KIZ: variants seen among roughly 807,000 people sequenced by gnomAD.
KIZ encodes centrosomal protein kizuna.
Under a neutral mutation model 79.6 loss-of-function variants are expected in KIZ, and 68 were observed. The ratio of observed to expected loss-of-function variants is 0.85; its 90% CI spans 0.70 to 1.05. The LOEUF (loss-of-function observed/expected upper bound fraction) is 1.05, where lower values mean the gene tolerates loss of function less well. KIZ is among the 50% of genes least tolerant of loss of function. The pLI is 0.00. For missense variants in KIZ, 797 were observed against 800.4 expected (o/e 1.00, Z 0.05); for synonymous variants, 280 against 281.8 (o/e 0.99, Z 0.06).
chr20:21,134,039 T>TGAGGCAGAGGCA (rs896328030), intron 2 of KIZ, among the ~76,000 whole-genome samples: 1 of 152,178 alleles, frequency 6.6e-6, no homozygotes. Flanking sequence ...CAAGTGCAGC[T>TGAGGCAGAGGCA]GAGGCAGAGG....
rs1173496481 is a variant in KIZ, at chr20:21,162,438, G to A, written c.973G>A (p.Val325Ile). ...CAGCCCGCCAGTCTCTCCGATACCA[G>A]TTTCAGAATACTGTGAATCTGAAAA... ...RASPPVSPIP[V>I]SEYCESENKW... The change falls in exon 5 of 13, where the codon GTT (valine) becomes ATT (isoleucine). Residue 325 changes from valine (V) to isoleucine (I), a missense_variant. By Grantham distance (29) the Val-to-Ile change is conservative. Transcript: ENST00000619189. 5 of 1,613,162 alleles carry A rather than the reference G, an allele frequency of 3.1e-6. No homozygotes were observed. In the South Asian group the frequency reaches 4.4e-5, roughly 14 times the overall value.
rs2031453320 is a variant in KIZ, at chr20:21,126,224, G to T, written c.89+20G>T. On this transcript the variant is annotated intron_variant, in intron 1 of 12. Coordinates refer to ENST00000619189, the MANE Select transcript of KIZ (RefSeq NM_018474.6). ...GGACAGGTAAGGGCACTGGGGCGGG[G>T]GTGGGGAGTCGGCCCGCGCCGGGGG... is the stretch of plus-strand genomic sequence containing the variant. 4 of 1,391,930 alleles carry T rather than the reference G, an allele frequency of 2.9e-6. No individual in the cohort carries two copies. The highest frequency in any genetic ancestry group is 3.8e-6 in the Non-Finnish European group (4 of 1,060,826). 86.2% of individuals were successfully genotyped at this position (1,391,930 alleles called of 1,614,324 possible).
intron 6 of KIZ, among the ~76,000 whole-genome samples, chr20:21,175,392 G>T (rs968765198): frequency 1.3e-5 from 2 of 152,172 alleles, no homozygotes; most frequent in Admixed American, 1.3e-4. Context: ...ATTGTCACTT[G>T]GTGTATAGGA....
At chr20:21,212,339 T>TA (rs1340280904) in intron 7 of KIZ, among the ~76,000 whole-genome samples, 3 of 152,240 alleles carry the variant, frequency 2.0e-5, no homozygotes, top group Admixed American at 2.0e-4. Flanking sequence ...TGGTTCAACT[T>TA]ACAATTTTTT....
intron 2 of KIZ, among the ~76,000 whole-genome samples, chr20:21,134,306 T>C (rs554897301): frequency 6.6e-6 from 1 of 152,300 alleles, no homozygotes; most frequent in East Asian, 1.9e-4. Context: ...CGGGATGTTT[T>C]GTAATGTGGT....
chr20:21,175,597 T>C (rs533112618), intron 6 of KIZ, among the ~76,000 whole-genome samples: 47 of 152,212 alleles, frequency 3.1e-4, no homozygotes, highest in African/African-American at 1.1e-3. Context: ...TGAAACCTAA[T>C]CCAAGTACCA....
intron 6 of KIZ, chr20:21,194,483 G>A (rs1216054047): frequency 6.6e-6 from 1 of 152,174 alleles, no homozygotes; most frequent in Non-Finnish European, 1.5e-5. Context: ...GAGTTCTTTT[G>A]AGCAAAAGAA....
At chr20:21,169,820 TAAC>T (rs1170185254) in intron 6 of KIZ, among the ~76,000 whole-genome samples, 1 of 152,230 alleles carries the variant, frequency 6.6e-6, no homozygotes, top group African/African-American at 2.4e-5. Flanking sequence ...GGGAATTACA[TAAC>T]AAGTAGTATT....
chr20:21,141,821 A>ACACT (rs58621089), intron 3 of KIZ, among the ~76,000 whole-genome samples: 1 of 111,092 alleles, frequency 9.0e-6, no homozygotes, highest in Non-Finnish European at 1.9e-5. Flanking sequence ...ACACACACAC[A>ACACT]CACTCTCTCT....
chr20:21,145,183 G>A (rs964291635), intron 3 of KIZ, among the ~76,000 whole-genome samples: 3 of 151,266 alleles, frequency 2.0e-5, no homozygotes, highest in Non-Finnish European at 2.9e-5. Context: ...TTTGTTTGGG[G>A]CAAAACTTCT....
intron 6 of KIZ, among the ~76,000 whole-genome samples, chr20:21,170,916 C>T (rs1317965208): frequency 1.3e-5 from 2 of 152,178 alleles, no homozygotes; most frequent in Non-Finnish European, 2.9e-5. Flanking sequence ...AACGTAATGA[C>T]CTCCAGTTCC....
At chr20:21,132,823 C>T (rs2031937687) in intron 2 of KIZ, 1 of 152,144 alleles carries the variant, frequency 6.6e-6, no homozygotes, top group Non-Finnish European at 1.5e-5. Context: ...ATGATTAAGA[C>T]ATAATTACTG....
At chr20:21,175,723 T>C (rs2034404571) in intron 6 of KIZ, among the ~76,000 whole-genome samples, 2 of 152,196 alleles carry the variant, frequency 1.3e-5, no homozygotes, top group Admixed American at 6.5e-5. Flanking sequence ...GTTAAGTCTC[T>C]AGGAGGCCAG....
intron 11 of KIZ, 75 bp downstream of exon 11, chr20:21,232,905 C>T: frequency 1.4e-6 from 1 of 731,504 alleles, no homozygotes; most frequent in African/African-American, 1.7e-5. Context: ...TAAACTCTGG[C>T]TGCGTATTAT....
rs1462556525 is a variant in KIZ, at chr20:21,167,305, C to G, written c.1352+4146C>G. On this transcript the variant is annotated intron_variant, in intron 6 of 12. Transcript: ENST00000619189. ...AGTGTCTACCCATAATGACTGGGAACAGGCTGAATTGGACATGTTCAGGGT... is the reference window on the plus strand; with the variant it reads ...AGTGTCTACCCATAATGACTGGGAAGAGGCTGAATTGGACATGTTCAGGGT... Among the ~76,000 whole-genome samples the G allele has an allele frequency of 5.3e-5, 8 of 152,322 alleles. No homozygotes were observed. The South Asian group carries it at 1.7e-3, about 32-fold the overall frequency.
At chr20:21,131,446 C>G (rs1161713856) in intron 1 of KIZ, among the ~76,000 whole-genome samples, 1 of 152,214 alleles carries the variant, frequency 6.6e-6, no homozygotes, top group East Asian at 1.9e-4. Flanking sequence ...TAAGTGAGGC[C>G]AGGTTTACTT....
At chr20:21,188,568 C>T (rs1020565064) in intron 6 of KIZ, among the ~76,000 whole-genome samples, 1 of 151,724 alleles carries the variant, frequency 6.6e-6, no homozygotes, top group African/African-American at 2.4e-5. Flanking sequence ...AGGGATCACC[C>T]CTTCTGACCC....
intron 9 of KIZ, among the ~76,000 whole-genome samples, chr20:21,222,351 G>A (rs983687538): frequency 2.0e-5 from 3 of 152,234 alleles, no homozygotes; most frequent in Non-Finnish European, 4.4e-5. Context: ...AATTATTTCT[G>A]AACCTCTGGG....
chr20:21,194,515 A>G (rs989031090), intron 6 of KIZ: 8 of 152,360 alleles, frequency 5.3e-5, no homozygotes, highest in Admixed American at 1.3e-4. Flanking sequence ...TTTATAAACT[A>G]AAGTCTGCTA....
Sources: gnomAD v4.1 joint callset for allele counts (sites outside exome capture counted in the v4.1 genomes callset) on GRCh38, gnomAD v4.1.1 for gene constraint, MANE v1.5 for transcripts, NCBI Gene and HGNC (gene_info 2026-07-23, HGNC 2026-07-21) for gene names.